FARS2: variants seen among roughly 807,000 people sequenced by gnomAD.
The protein encoded by FARS2 is phenylalanyl-tRNA synthetase 2, mitochondrial, also known as phenylalanine--tRNA ligase, mitochondrial.
Under a neutral mutation model 46.4 loss-of-function variants are expected in FARS2, and 40 were observed. The ratio of observed to expected loss-of-function variants is 0.86; its 90% CI spans 0.67 to 1.12. The LOEUF is 1.12. Among genes scored for constraint, FARS2 ranks in the 50% most tolerant of loss-of-function variants. FARS2 has a pLI of 0.00. For missense variants in FARS2, 513 were observed against 567.9 expected (o/e 0.90, Z 0.98); for synonymous variants, 234 against 214.9 (o/e 1.09, Z -0.78).
At chr6:5,749,385 C>T (rs1400662192) in intron 6 of FARS2, among the ~76,000 whole-genome samples, 1 of 152,228 alleles carries the variant, frequency 6.6e-6, no homozygotes, top group Non-Finnish European at 1.5e-5. Flanking sequence ...TGGAAGAAGG[C>T]TGCAGTCAGG....
At chr6:5,270,820 G>T (rs1765892067) in intron 1 of FARS2, among the ~76,000 whole-genome samples, 1 of 152,034 alleles carries the variant, frequency 6.6e-6, no homozygotes, top group Non-Finnish European at 1.5e-5. Context: ...TCATTCTTTA[G>T]TACTCACCTC....
At chr6:5,350,377 T>C (rs1757502074) in intron 1 of FARS2, among the ~76,000 whole-genome samples, 1 of 152,088 alleles carries the variant, frequency 6.6e-6, no homozygotes, top group South Asian at 2.1e-4. Context: ...CTAGAATAAC[T>C]AAAATTTTAA....
At chr6:5,478,138 G>A (rs1393989045) in intron 4 of FARS2, among the ~76,000 whole-genome samples, 1 of 152,140 alleles carries the variant, frequency 6.6e-6, no homozygotes, top group African/African-American at 2.4e-5. Flanking sequence ...TATTAACCTG[G>A]CACACGAAGA....
chr6:5,323,131 A>G (rs898442414), intron 1 of FARS2, among the ~76,000 whole-genome samples: 1 of 152,168 alleles, frequency 6.6e-6, no homozygotes, highest in African/African-American at 2.4e-5. Context: ...AAAATTAATT[A>G]TTTTGGAAGT....
rs369945474 is a variant in FARS2 at position 5,346,657 on chromosome 6, C to T, written c.-21-21893C>T. On this transcript the variant is annotated intron_variant, in intron 1 of 6. Transcript: ENST00000274680. ...TTGAAAAAATTTTACAGTTAACCTTCGTATAGCCGCCACCTCGATTCTACG... is the reference window on the plus strand; with the variant it reads ...TTGAAAAAATTTTACAGTTAACCTTTGTATAGCCGCCACCTCGATTCTACG... Among the ~76,000 whole-genome samples the T allele has an allele frequency of 2.4e-4, 36 of 152,248 alleles. No homozygotes were observed. In the South Asian group the frequency reaches 3.3e-3, roughly 14 times the overall value.
intron 1 of FARS2, among the ~76,000 whole-genome samples, chr6:5,359,471 A>G (rs377153629): frequency 1.3e-5 from 2 of 152,234 alleles, no homozygotes; most frequent in South Asian, 2.1e-4. Context: ...CACAAAAGGT[A>G]GCTATTACAA....
At chr6:5,378,719 A>G (rs1280941775) in intron 2 of FARS2, among the ~76,000 whole-genome samples, 2 of 152,196 alleles carry the variant, frequency 1.3e-5, no homozygotes, top group Non-Finnish European at 2.9e-5. Context: ...TGTTTCCCTA[A>G]TCTCTTCTTT....
At chr6:5,520,512 G>C (rs543578945) in intron 4 of FARS2, among the ~76,000 whole-genome samples, 1 of 152,304 alleles carries the variant, frequency 6.6e-6, no homozygotes, top group East Asian at 1.9e-4. Context: ...ACAAAATATA[G>C]AGAATAATAT....
chr6:5,766,586 G>A (rs535792087), intron 6 of FARS2, among the ~76,000 whole-genome samples: 2 of 152,328 alleles, frequency 1.3e-5, no homozygotes, highest in African/African-American at 4.8e-5. Flanking sequence ...ACTTCTTAGA[G>A]GACATTGGGA....
chr6:5,410,227 C>G (rs1224222570), intron 3 of FARS2, among the ~76,000 whole-genome samples: 1 of 148,002 alleles, frequency 6.8e-6, no homozygotes, highest in African/African-American at 2.5e-5. Flanking sequence ...GATCTCAGTT[C>G]ACTGCAAACT....
intron 4 of FARS2, chr6:5,452,094 CGGTTTCAGCAGGCCGAGAT>C (rs1477290268): frequency 1.3e-5 from 2 of 152,196 alleles, no homozygotes; most frequent in East Asian, 1.9e-4. Flanking sequence ...ACGGTAAGTC[CGGTTTCAGCAGGCCGAGAT>C]GTGGAGGAGA....
rs1303804859 is a variant in FARS2 at position 5,764,533 on chromosome 6, T to C, written c.1218-6758T>C. Among the ~76,000 whole-genome samples the C allele has an allele frequency of 6.6e-6, 1 of 152,044 alleles. No homozygotes were observed. The highest frequency in any genetic ancestry group is 6.6e-5 in the Admixed American group (1 of 15,262). On this transcript the variant is annotated intron_variant, in intron 6 of 6. Transcript: ENST00000274680. The surrounding 1 kb of genome is among the most constrained non-coding windows in gnomAD (Gnocchi z 4.1). ...TGAGGAGTGAGCCGGGGAAACCCAG[T>C]GTTTGTTACTCTGAAAATGGAAGCT... is the stretch of plus-strand genomic sequence containing the variant.
chr6:5,521,075 A>G (rs1228199288), intron 4 of FARS2, among the ~76,000 whole-genome samples: 1 of 152,124 alleles, frequency 6.6e-6, no homozygotes, highest in East Asian at 1.9e-4. Flanking sequence ...GCACACTTGT[A>G]GGAGTTCTTA....
upstream of FARS2, among the ~76,000 whole-genome samples, chr6:5,258,623 A>T (rs1267763491): frequency 6.6e-6 from 1 of 152,170 alleles, no homozygotes; most frequent in Non-Finnish European, 1.5e-5. Context: ...TTTTTATAAC[A>T]AGTAAGTTTA....
intron 4 of FARS2, among the ~76,000 whole-genome samples, chr6:5,532,808 A>G (rs1474100750): frequency 6.6e-6 from 1 of 151,776 alleles, no homozygotes; most frequent in Admixed American, 6.6e-5. Flanking sequence ...GAAGAAGAAG[A>G]AGAATGTTAA....
At chr6:5,254,878 C>A in the FARS2 span, among the ~76,000 whole-genome samples, 3 of 152,114 alleles carry the variant, frequency 2.0e-5, no homozygotes, top group African/African-American at 7.2e-5. Flanking sequence ...GTTTTATTAA[C>A]CAAAATTCCG....
chr6:5,628,999 A>G (rs1005523882), intron 6 of FARS2, among the ~76,000 whole-genome samples: 2 of 152,210 alleles, frequency 1.3e-5, no homozygotes, highest in Admixed American at 6.5e-5. Flanking sequence ...CACAGGGTTG[A>G]GGCTGAGGTG....
chr6:5,612,514 C>T (rs1775244652), intron 5 of FARS2, among the ~76,000 whole-genome samples: 1 of 151,978 alleles, frequency 6.6e-6, no homozygotes, highest in African/African-American at 2.4e-5. Context: ...AAGCAATAAA[C>T]AAATACAGTA....
intron 6 of FARS2, among the ~76,000 whole-genome samples, chr6:5,651,330 T>C (rs909331290): frequency 6.6e-6 from 1 of 152,210 alleles, no homozygotes; most frequent in African/African-American, 2.4e-5. Context: ...GGACTGTCGA[T>C]TGAAAATGTG....
Sources: allele counts gnomAD v4.1 joint callset (sites outside exome capture counted in the v4.1 genomes callset), GRCh38; gene constraint gnomAD v4.1.1; non-coding constraint Gnocchi (gnomAD v3.1); transcripts MANE v1.5; gene names NCBI Gene and HGNC (gene_info 2026-07-23, HGNC 2026-07-21).